Variants in PTPRK observed in about 807,000 individuals in gnomAD.
PTPRK encodes the protein protein tyrosine phosphatase receptor type K.
PTPRK carries 75 observed loss-of-function variants against 178.0 expected under a neutral mutation model. That is an observed-to-expected ratio of 0.42 (90% CI 0.35 to 0.51). PTPRK has a LOEUF of 0.51. PTPRK is among the 20% of genes least tolerant of loss of function. The probability of loss-of-function intolerance (pLI) is 0.02; values close to 1 mark genes in which losing one functional copy is unlikely to be tolerated. For missense variants in PTPRK, 1,441 were observed against 1,797.8 expected, an observed-to-expected ratio of 0.80 and a Z score of 3.59; for synonymous variants, 637 against 620.6, an observed-to-expected ratio of 1.03 and a Z score of -0.39.
chr6:128,164,849 T>C (rs902053934), intron 7 of PTPRK, among the ~76,000 whole-genome samples: 1 of 150,486 alleles, frequency 6.6e-6, no homozygotes, highest in South Asian at 2.1e-4. Flanking sequence ...TGTATGTATA[T>C]ATTAGCATGA....
At chr6:128,296,556 T>G (rs1290923352) in intron 3 of PTPRK, among the ~76,000 whole-genome samples, 1 of 151,900 alleles carries the variant, frequency 6.6e-6, no homozygotes, top group African/African-American at 2.4e-5. Context: ...CAGAAGAGAG[T>G]GGGGGCCAAT....
chr6:128,470,155 GAAT>G (rs1454884640), intron 1 of PTPRK, among the ~76,000 whole-genome samples: 1 of 151,922 alleles, frequency 6.6e-6, no homozygotes, highest in Non-Finnish European at 1.5e-5. Context: ...TTCCTAAGCA[GAAT>G]AATAAACTAA....
chr6:128,455,421 G>A (rs1848272820), intron 1 of PTPRK, among the ~76,000 whole-genome samples: 1 of 152,056 alleles, frequency 6.6e-6, no homozygotes, highest in African/African-American at 2.4e-5. Context: ...CCACTTAGGG[G>A]CTACAGTGAG....
At chr6:128,464,674 T>TATATATATATATATAC (rs1407701569) in intron 1 of PTPRK, among the ~76,000 whole-genome samples, 15 of 124,754 alleles carry the variant, frequency 1.2e-4, no homozygotes, top group East Asian at 8.6e-4. Context: ...TATATATATA[T>TATATATATATATATAC]ACAACAGATG....
chr6:128,342,182 G>A (rs1831752760), intron 2 of PTPRK, among the ~76,000 whole-genome samples: 1 of 150,902 alleles, frequency 6.6e-6, no homozygotes, highest in African/African-American at 2.4e-5. Context: ...GAGCCCGGGA[G>A]GCGGAGGTTG....
At position 128,189,429 on chromosome 6, in the gene PTPRK, C is replaced by T. The variant is rs190245458; in HGVS notation, c.869-4704G>A. Among the ~76,000 whole-genome samples the T allele has an allele frequency of 2.0e-3, 305 of 151,288 alleles. 2 individuals carry two copies. Among genetic ancestry groups the T allele is most frequent in the African/African-American group, 6.4e-3 (266 of 41,300 alleles). ...TAATTTTTGTATTTTTTAGTAGAGA[C>T]GGGGTTTCGCTATATTGGCCAGGCT... is the stretch of plus-strand genomic sequence containing the variant. On this transcript the variant is annotated intron_variant, in intron 6 of 29. Coordinates refer to ENST00000368226, the MANE Select transcript of PTPRK (RefSeq NM_002844.4).
At chr6:128,412,348 A>T (rs972225534) in intron 1 of PTPRK, among the ~76,000 whole-genome samples, 1 of 152,182 alleles carries the variant, frequency 6.6e-6, no homozygotes, top group Non-Finnish European at 1.5e-5. Context: ...ACAACCTAAA[A>T]AGTTGGGCAT....
intron 13 of PTPRK, among the ~76,000 whole-genome samples, chr6:128,058,515 T>C (rs1780279847): frequency 6.6e-6 from 1 of 152,130 alleles, no homozygotes; most frequent in Non-Finnish European, 1.5e-5. Context: ...TCACTAGTTT[T>C]AATAGTTTTT....
chr6:127,977,028 G>A lies in PTPRK; in HGVS notation c.3738C>T (p.Ile1246=), dbSNP rs759887546. 2.3e-5 allele frequency: 37 copies of A among 1,613,876 alleles called. No individual in the cohort carries two copies. The highest frequency in any genetic ancestry group is 1.7e-4 in the Admixed American group (10 of 59,988). The change falls in exon 26 of 30, where the codon ATC becomes ATT. Residue 1246 remains isoleucine, a synonymous_variant. Transcript: ENST00000368226. ...TGTTTGGCAGAGGGTATTGTGTGAC[G>A]ATGAAAGCAGCTGGTTGCCTGTAGC... is the stretch of plus-strand genomic sequence containing the variant. ...MDSYRQPAAF[I]VTQYPLPNTV...
At chr6:128,426,790 T>C (rs1372465276) in intron 1 of PTPRK, among the ~76,000 whole-genome samples, 3 of 152,160 alleles carry the variant, frequency 2.0e-5, no homozygotes, top group African/African-American at 7.2e-5. Flanking sequence ...ACTTACAAAG[T>C]TTTTTTTCTT....
chr6:128,160,248 A>C (rs1431192531), intron 7 of PTPRK, among the ~76,000 whole-genome samples: 2 of 151,740 alleles, frequency 1.3e-5, no homozygotes, highest in Non-Finnish European at 3.0e-5. Context: ...CCAAGGGGGA[A>C]ACTGATTCTT....
chr6:128,406,008 A>G (rs1010242294), intron 1 of PTPRK, among the ~76,000 whole-genome samples: 2 of 151,760 alleles, frequency 1.3e-5, no homozygotes, highest in African/African-American at 4.8e-5. Flanking sequence ...TCAAAAAACA[A>G]AAAAAAAGAA....
At position 128,151,759 on chromosome 6, in the gene PTPRK, T is replaced by A. The variant is rs1315240196; in HGVS notation, c.1162+32673A>T. Reference sequence around the variant, plus strand: ...TATTACAAACTTCTAAAAAAGAAGTTTGAATGGAGTGATCAAGGAAACAGA... The same window carrying A: ...TATTACAAACTTCTAAAAAAGAAGTATGAATGGAGTGATCAAGGAAACAGA... On this transcript the variant is annotated intron_variant, in intron 7 of 29. Transcript: ENST00000368226. Among the ~76,000 whole-genome samples the A allele has an allele frequency of 2.0e-5, 3 of 152,090 alleles. No homozygotes were observed. In the East Asian group the frequency reaches 5.8e-4, roughly 29 times the overall value.
At chr6:128,282,700 A>G (rs902662738) in intron 3 of PTPRK, among the ~76,000 whole-genome samples, 4 of 152,192 alleles carry the variant, frequency 2.6e-5, no homozygotes, top group Admixed American at 6.5e-5. Context: ...GAGAGACAGC[A>G]TGGTCTAGTG....
At chr6:128,355,351 A>G (rs1261443492) in intron 2 of PTPRK, among the ~76,000 whole-genome samples, 2 of 152,248 alleles carry the variant, frequency 1.3e-5, no homozygotes, top group African/African-American at 4.8e-5. Flanking sequence ...AAAATAGTAG[A>G]ATAAAAATAC....
intron 10 of PTPRK, among the ~76,000 whole-genome samples, chr6:128,081,188 T>C (rs950409877): frequency 2.0e-5 from 3 of 152,096 alleles, no homozygotes; most frequent in African/African-American, 7.2e-5. Context: ...CATCGTAACA[T>C]CACCAAGTCT....
At chr6:128,095,700 AG>A (rs938374786) in intron 7 of PTPRK, among the ~76,000 whole-genome samples, 21 of 152,168 alleles carry the variant, frequency 1.4e-4, no homozygotes, top group African/African-American at 4.8e-4. Flanking sequence ...GTCAGGGGCT[AG>A]GGGGAGTGCA....
chr6:128,122,637 G>A (rs1792664767), intron 7 of PTPRK, among the ~76,000 whole-genome samples: 1 of 152,108 alleles, frequency 6.6e-6, no homozygotes, highest in Middle Eastern at 3.2e-3. Context: ...AACACTGGGA[G>A]GAAATTTACC....
chr6:128,116,953 T>C (rs991002042), intron 7 of PTPRK, among the ~76,000 whole-genome samples: 7 of 152,042 alleles, frequency 4.6e-5, no homozygotes, highest in Non-Finnish European at 1.0e-4. Context: ...AAGACCATCC[T>C]GGCTAATATG....
Sources: gnomAD v4.1 joint callset for allele counts (sites outside exome capture counted in the v4.1 genomes callset) on GRCh38, gnomAD v4.1.1 for gene constraint, MANE v1.5 for transcripts, NCBI Gene and HGNC (gene_info 2026-07-23, HGNC 2026-07-21) for gene names.